PRKD1: variants seen among roughly 807,000 people sequenced by gnomAD.
PRKD1 encodes the protein serine/threonine-protein kinase D1.
Under a neutral mutation model 95.9 loss-of-function variants are expected in PRKD1, and 63 were observed. The ratio of observed to expected loss-of-function variants is 0.66; its 90% CI spans 0.54 to 0.81. The LOEUF is 0.81. PRKD1 is among the 30% of genes least tolerant of loss of function. PRKD1 has a pLI of 0.00. For synonymous variants in PRKD1, 425 were observed against 423.1 expected, an observed-to-expected ratio of 1.00 and a Z score of -0.05; for missense variants, 1,048 against 1,165.3, an observed-to-expected ratio of 0.90 and a Z score of 1.47.
chr14:29,594,232 A>G (rs1426298226), intron 16 of PRKD1: 1 of 401,214 alleles, frequency 2.5e-6, no homozygotes, highest in East Asian at 7.5e-5. Context: ...TATGCATGTT[A>G]TTAAGATTGT....
intron 1 of PRKD1, among the ~76,000 whole-genome samples, chr14:29,852,689 T>C (rs1892353933): frequency 6.6e-6 from 1 of 152,166 alleles, no homozygotes; most frequent in Non-Finnish European, 1.5e-5. Context: ...TTTTGTATGT[T>C]ACTGAAGTTA....
At chr14:29,681,268 AT>A in intron 2 of PRKD1, among the ~76,000 whole-genome samples, 1 of 152,276 alleles carries the variant, frequency 6.6e-6, no homozygotes, top group Admixed American at 6.5e-5. Context: ...TCTGGGACAA[AT>A]TTCCTGGTGC....
chr14:29,584,732 T>G (rs1212696932), intron 16 of PRKD1, among the ~76,000 whole-genome samples: 1 of 152,234 alleles, frequency 6.6e-6, no homozygotes, highest in Admixed American at 6.5e-5. Flanking sequence ...GCTAAAAATA[T>G]TTCTGGATGG....
chr14:29,880,482 A>C (rs1346903801), intron 1 of PRKD1, among the ~76,000 whole-genome samples: 1 of 152,166 alleles, frequency 6.6e-6, no homozygotes, highest in Non-Finnish European at 1.5e-5. Flanking sequence ...TGCATGAGCA[A>C]ACTTGGAGGG....
chr14:29,885,152 A>G (rs67844765), intron 1 of PRKD1, among the ~76,000 whole-genome samples: 43,040 of 150,332 alleles, frequency 0.29, 6,330 homozygotes, highest in East Asian at 0.35. Context: ...AAGAATTAGT[A>G]AAGATTCACC....
At chr14:29,857,330 AT>A (rs1892544516) in intron 1 of PRKD1, among the ~76,000 whole-genome samples, 1 of 152,194 alleles carries the variant, frequency 6.6e-6, no homozygotes, top group South Asian at 2.1e-4. Flanking sequence ...GAAAATAAAA[AT>A]GCATGAGAGC....
chr14:29,617,573 G>C (rs187747552), intron 13 of PRKD1, among the ~76,000 whole-genome samples: 19 of 152,200 alleles, frequency 1.2e-4, no homozygotes, highest in Admixed American at 1.0e-3. Context: ...ATCGATAAAT[G>C]AAAGTTGCAA....
intron 9 of PRKD1, among the ~76,000 whole-genome samples, chr14:29,632,455 T>C (rs1328954680): frequency 6.6e-6 from 1 of 152,110 alleles, no homozygotes; most frequent in African/African-American, 2.4e-5. Flanking sequence ...GTGCTCTTTG[T>C]GAATATTGAC....
intron 1 of PRKD1, among the ~76,000 whole-genome samples, chr14:29,845,935 T>A (rs893723806): frequency 1.2e-4 from 18 of 152,206 alleles, no homozygotes; most frequent in African/African-American, 4.3e-4. Flanking sequence ...TGAATCTATT[T>A]AATAACAGCT....
chr14:29,589,376 G>A (rs1228393547), intron 16 of PRKD1, among the ~76,000 whole-genome samples: 1 of 152,044 alleles, frequency 6.6e-6, no homozygotes, highest in Non-Finnish European at 1.5e-5. Flanking sequence ...TAAACTCTGT[G>A]GAAAACAACA....
At chr14:29,596,874 G>A (rs1185083354) in intron 16 of PRKD1, among the ~76,000 whole-genome samples, 1 of 152,100 alleles carries the variant, frequency 6.6e-6, no homozygotes, top group African/African-American at 2.4e-5. Flanking sequence ...TAAGAGGAAG[G>A]AAATATTTAT....
At chr14:29,582,473 A>G (rs999980892) in intron 16 of PRKD1, among the ~76,000 whole-genome samples, 2 of 152,192 alleles carry the variant, frequency 1.3e-5, no homozygotes, top group Non-Finnish European at 2.9e-5. Context: ...TTTATTAAAA[A>G]TTACCACGGC....
chr14:29,786,325 G>T (rs1889271537), intron 1 of PRKD1, among the ~76,000 whole-genome samples: 1 of 152,122 alleles, frequency 6.6e-6, no homozygotes, highest in Non-Finnish European at 1.5e-5. Context: ...TCCTTGTCTG[G>T]TTTTGGTGTC....
intron 1 of PRKD1, among the ~76,000 whole-genome samples, chr14:29,887,401 T>A (rs778100706): frequency 2.0e-5 from 3 of 152,186 alleles, no homozygotes; most frequent in Non-Finnish European, 4.4e-5. Context: ...TGTGTCCATA[T>A]TACTGATGCA....
At position 29,893,230 on chromosome 14, in the gene PRKD1, G is replaced by C. The variant is rs562932456; in HGVS notation, c.264+34019C>G. Among the ~76,000 whole-genome samples, 143 of 152,098 alleles carry C rather than the reference G, an allele frequency of 9.4e-4. 3 individuals carry two copies. Among genetic ancestry groups the C allele is most frequent in the African/African-American group, 3.3e-3 (138 of 41,510 alleles). ...ATTTCATTACAACAAAAATTTTAAAGATCAGATTTCCAAATATTTAATACA... is the reference window on the plus strand; with the variant it reads ...ATTTCATTACAACAAAAATTTTAAACATCAGATTTCCAAATATTTAATACA... On this transcript the variant is annotated intron_variant, in intron 1 of 17. Transcript: ENST00000331968.
chr14:29,650,118 C>T (rs952379991), intron 4 of PRKD1, among the ~76,000 whole-genome samples: 21 of 152,100 alleles, frequency 1.4e-4, no homozygotes, highest in African/African-American at 3.9e-4. Flanking sequence ...TTTTCTTTTC[C>T]GAGCTGACTT....
chr14:29,734,184 A>G (rs1038942898), intron 1 of PRKD1, among the ~76,000 whole-genome samples: 1 of 151,628 alleles, frequency 6.6e-6, no homozygotes, highest in African/African-American at 2.4e-5. Context: ...CTGGGATTAC[A>G]GGTGCCCACC....
chr14:29,614,443 T>C (rs1453154296), intron 13 of PRKD1, among the ~76,000 whole-genome samples: 1 of 152,202 alleles, frequency 6.6e-6, no homozygotes, highest in Non-Finnish European at 1.5e-5. Flanking sequence ...TTCTGAGCCC[T>C]GTCTCACTTG....
rs1267462726 is a variant in PRKD1, at chr14:29,826,782, CATATATACACAT to C, written c.264+100455_264+100466del. Among the ~76,000 whole-genome samples, 30 of 25,258 alleles carry C rather than the reference CATATATACACAT, an allele frequency of 1.2e-3. 4 individuals are homozygous for C. The highest frequency in any genetic ancestry group is 0.011 in the South Asian group (8 of 712). The allele number at this position is 25,258 out of a possible 152,430, so 16.6% of individuals were successfully genotyped here. A position where few individuals can be genotyped will look rare whatever the true frequency, so the allele number is the denominator to read the frequency against. On this transcript the variant is annotated intron_variant, in intron 1 of 17. Transcript: ENST00000331968. ...ACATATATATATACACATATATATA[CATATATACACAT>C]ATATATACACATATATATACACATA...
Sources: gnomAD v4.1 joint callset for allele counts (sites outside exome capture counted in the v4.1 genomes callset) on GRCh38, gnomAD v4.1.1 for gene constraint, MANE v1.5 for transcripts, NCBI Gene and HGNC (gene_info 2026-07-23, HGNC 2026-07-21) for gene names.